USP24: variants seen among roughly 807,000 people sequenced by gnomAD.
USP24 encodes the protein ubiquitin carboxyl-terminal hydrolase 24.
A neutral mutation model predicts 361.6 loss-of-function variants in USP24; 97 were observed. That is an observed-to-expected ratio of 0.27 (90% CI 0.23 to 0.32). The LOEUF (loss-of-function observed/expected upper bound fraction) is 0.32, where lower values mean the gene tolerates loss of function less well. Ranked by LOEUF, USP24 falls within the 10% of genes least tolerant of loss-of-function variation. The pLI is 1.00. For missense variants in USP24, 2,353 were observed against 3,165.6 expected, an observed-to-expected ratio of 0.74 and a Z score of 6.16; for synonymous variants, 1,098 against 1,124.6, an observed-to-expected ratio of 0.98 and a Z score of 0.47.
chr1:55,184,055 A>T lies in USP24; in HGVS notation c.325-5923T>A, dbSNP rs184201030. Among the ~76,000 whole-genome samples the T allele has an allele frequency of 9.9e-4, 151 of 152,226 alleles. 1 individual carries two copies. Among genetic ancestry groups the T allele is most frequent in the Non-Finnish European group, 1.6e-3 (111 of 68,004 alleles). ...ACAAGAAAGGCTGTTCTTTTTCCCC[A>T]CTGTTTTGGGGGTTTTTTTGAGACA... On this transcript the variant is annotated intron_variant, in intron 1 of 67. Transcript: ENST00000294383.
chr1:55,149,165 T>C (rs762474699), intron 16 of USP24, among the ~76,000 whole-genome samples: 14 of 152,198 alleles, frequency 9.2e-5, no homozygotes, highest in Non-Finnish European at 1.8e-4. Context: ...CACTTCCAAA[T>C]ATATTATTTC....
At position 55,092,839 on chromosome 1, in the gene USP24, A is replaced by G. The variant is rs1476942169; in HGVS notation, c.6432T>C (p.Ser2144=). 6.3e-7 allele frequency: 1 copy of G among 1,596,722 alleles called. No individual in the cohort carries two copies. The highest frequency in any genetic ancestry group is 8.5e-7 in the Non-Finnish European group (1 of 1,172,618). Residue 2144 remains serine (S), a synonymous_variant, in exon 53 of 68, where the codon TCT becomes TCC. Transcript: ENST00000294383. Reference sequence around the variant, plus strand: ...TACTTACAGCATTCAATGAAGCTAAAGACAAAACAAAACTGAAATAATCAC... The same window carrying G: ...TACTTACAGCATTCAATGAAGCTAAGGACAAAACAAAACTGAAATAATCAC... ...YSSDYFSFVL[S]LASLNATKLK... is the part of the protein sequence containing the mutation.
chr1:55,129,957 C>T (rs1057492377), intron 31 of USP24, among the ~76,000 whole-genome samples: 3 of 152,068 alleles, frequency 2.0e-5, no homozygotes, highest in African/African-American at 7.2e-5. Flanking sequence ...GATGAGTTTC[C>T]CAACAATAAC....
In USP24 at chr1:55,100,821, A is replaced by G; in HGVS notation, c.5271+18T>C. ...ATATTTAACATCTTTAAATCTCAAGAGTTACTGGGTGAAATACCTTCCAAA... is the reference window on the plus strand; with the variant it reads ...ATATTTAACATCTTTAAATCTCAAGGGTTACTGGGTGAAATACCTTCCAAA... On this transcript the variant is annotated intron_variant, in intron 44 of 67. Transcript: ENST00000294383. 1 of 1,588,826 alleles carries G rather than the reference A, an allele frequency of 6.3e-7. No individual in the cohort carries two copies. Among genetic ancestry groups the G allele is most frequent in the Non-Finnish European group, 8.5e-7 (1 of 1,170,856 alleles).
intron 58 of USP24, among the ~76,000 whole-genome samples, chr1:55,082,418 A>AT (rs1243629929): frequency 6.6e-6 from 1 of 152,236 alleles, no homozygotes; most frequent in Non-Finnish European, 1.5e-5. Context: ...GCATGTTAGC[A>AT]TTTCATGTAT....
At chr1:55,107,980 G>A (rs1348654852) in intron 39 of USP24, among the ~76,000 whole-genome samples, 1 of 152,032 alleles carries the variant, frequency 6.6e-6, no homozygotes, top group Non-Finnish European at 1.5e-5. Flanking sequence ...CCTCTGTGCA[G>A]GTCACTGTGC....
chr1:55,079,540 C>A lies in USP24; in HGVS notation c.7198G>T (p.Glu2400Ter). The A allele has an allele frequency of 6.4e-7, 1 of 1,572,958 alleles. No individual in the cohort carries two copies. Among genetic ancestry groups the A allele is most frequent in the Admixed American group, 2.0e-5 (1 of 49,748 alleles). The change falls in exon 60 of 68, where the codon GAG (glutamate) becomes TAG (stop). Residue 2400 changes from glutamate (E) to a stop codon, truncating the protein, a stop_gained and splice_region_variant. Transcript: ENST00000294383. LOFTEE classifies it high-confidence loss of function. Reference sequence around the variant, plus strand: ...GCTTTAGAATAACAAGTACATACCTCTAACAGGTAAGGTTTCCCTTCAGAC... The same window carrying A: ...GCTTTAGAATAACAAGTACATACCTATAACAGGTAAGGTTTCCCTTCAGAC... ...FMSEGKPYLL[E>*]VMFALRELTG...
chr1:55,081,560 C>A (rs1470934249), intron 58 of USP24, 136 bp from the exon 59 acceptor site: 4 of 804,850 alleles, frequency 5.0e-6, no homozygotes, highest in East Asian at 2.5e-5. Flanking sequence ...GGTCAAGGTA[C>A]AAAAAAATCA....
At position 55,083,324 on chromosome 1, in the gene USP24, G is replaced by A. The variant is rs541294636; in HGVS notation, c.6923C>T (p.Ala2308Val). Residue 2308 changes from alanine to valine, a missense_variant, in exon 58 of 68, where the codon GCT becomes GTT. Physicochemically the swap from Ala to Val is moderately conservative, Grantham distance 64. This residue lies in a region of USP24 where 598 missense variants were observed against 761.9 expected (regional missense o/e 0.78). Coordinates refer to ENST00000294383, the MANE Select transcript of USP24 (RefSeq NM_015306.3). ...RAGDLLLRHS[A>V]LRHMISFLLG... ...GAGGAAGCTGATCATGTGCCGCAGA[G>A]CTGAATGCCTCAGAAGAAGATCTCC... 5 of 1,613,736 alleles carry A rather than the reference G, an allele frequency of 3.1e-6. No individual in the cohort carries two copies. The East Asian group carries it at 8.9e-5, about 29-fold the overall frequency.
intron 32 of USP24, among the ~76,000 whole-genome samples, chr1:55,126,913 A>G (rs533386662): frequency 6.6e-6 from 1 of 152,230 alleles, no homozygotes; most frequent in East Asian, 1.9e-4. Context: ...TCTAGAGAAA[A>G]GCTGCTTCCA....
Position 55,071,829 on chromosome 1 carries a change from G to C in USP24, c.7785C>G (p.Asp2595Glu), listed in dbSNP as rs368646161. The change falls in exon 67 of 68, where the codon GAC becomes GAG. Residue 2595 changes from aspartate (D) to glutamate (E), a missense_variant. Coordinates refer to ENST00000294383, the MANE Select transcript of USP24 (RefSeq NM_015306.3). ...SESSPANENG[D>E]RHLQQGSESP... ...ACCGTTATACCTGCTGTAGATGCCTGTCTCCGTTCTCATTGGCAGGACTAC... is the reference window on the plus strand; with the variant it reads ...ACCGTTATACCTGCTGTAGATGCCTCTCTCCGTTCTCATTGGCAGGACTAC... The C allele has an allele frequency of 1.4e-5, 22 of 1,612,752 alleles. No individual in the cohort carries two copies. The highest frequency in any genetic ancestry group is 1.9e-5 in the Non-Finnish European group (22 of 1,179,502).
At position 55,097,068 on chromosome 1, in the gene USP24, A is replaced by G. The variant is rs1645512212; in HGVS notation, c.5820T>C (p.Gly1940=). 1 of 1,613,930 alleles carries G rather than the reference A, an allele frequency of 6.2e-7. No individual in the cohort carries two copies. The highest frequency in any genetic ancestry group is 8.5e-7 in the Non-Finnish European group (1 of 1,179,868). The change falls in exon 49 of 68, where the codon GGT becomes GGC. Residue 1940 remains glycine, a synonymous_variant. Coordinates refer to ENST00000294383, the MANE Select transcript of USP24 (RefSeq NM_015306.3). Reference sequence around the variant, plus strand: ...CAACCTTTTTTCGTGGGGATCCTCCACCGCCCTGATCCACACTTCGCCCAT... The same window carrying G: ...CAACCTTTTTTCGTGGGGATCCTCCGCCGCCCTGATCCACACTTCGCCCAT... ...GENGRSVDQG[G]GGSPRKKVAL... is the part of the protein sequence containing the mutation.
chr1:55,184,457 G>A (rs1644069253), intron 1 of USP24, among the ~76,000 whole-genome samples: 1 of 152,096 alleles, frequency 6.6e-6, no homozygotes, highest in African/African-American at 2.4e-5. Flanking sequence ...AACACAGAAA[G>A]CAAAAATTAA....
At chr1:55,181,258 C>A (rs1242829708) in intron 1 of USP24, among the ~76,000 whole-genome samples, 1 of 152,072 alleles carries the variant, frequency 6.6e-6, no homozygotes, top group Non-Finnish European at 1.5e-5. Flanking sequence ...TTTCTCCCCC[C>A]ACCCCAACAA....
In USP24 at chr1:55,215,246, C is replaced by T; in HGVS notation, c.-133G>A. 2 of 687,362 alleles carry T rather than the reference C, an allele frequency of 2.9e-6. No homozygotes were observed. The highest frequency in any genetic ancestry group is 4.2e-5 in the East Asian group (1 of 23,532). 42.6% of individuals were successfully genotyped at this position (687,362 alleles called of 1,614,324 possible). ...CCCTGCGTTCCTGCCCCGGGTGCTC[C>T]GCAGCAGCCGGGCCAGGCTGGGTGC... On this transcript the variant is annotated 5_prime_UTR_variant, in exon 1 of 68. Transcript: ENST00000294383.
intron 4 of USP24, among the ~76,000 whole-genome samples, chr1:55,172,089 T>A (rs1160972211): frequency 6.6e-6 from 1 of 152,088 alleles, no homozygotes; most frequent in Non-Finnish European, 1.5e-5. Context: ...TCCATCTACA[T>A]GAACACTCCA....
Position 55,125,481 on chromosome 1 carries a change from C to T in USP24, c.3799G>A (p.Ala1267Thr), listed in dbSNP as rs776925066. 2 of 1,613,886 alleles carry T rather than the reference C, an allele frequency of 1.2e-6. No homozygotes were observed. The highest frequency in any genetic ancestry group is 1.7e-5 in the Admixed American group (1 of 60,002). The change falls in exon 34 of 68, where the codon GCA (alanine) becomes ACA (threonine). Residue 1267 changes from alanine to threonine, a missense_variant. This residue lies in a region of USP24 where 949 missense variants were observed against 1,280.5 expected (regional missense o/e 0.74). Transcript: ENST00000294383. ...DEDLTKDGIE[A>T]LSSRPFRNVS... The stretch of plus-strand genomic sequence containing the variant: ...TTTCGGAATGGGCGGGAAGAAAGTG[C>T]TTCTATACCATCTTTGGTGAGGTCT...
chr1:55,072,463 G>T, intron 65 of USP24, 60 bp from the exon 66 acceptor site: 1 of 1,350,944 alleles, frequency 7.4e-7, no homozygotes, highest in Non-Finnish European at 1.0e-6. Flanking sequence ...TGGGTTCACA[G>T]TTTCTACCAT....
Position 55,125,680 on chromosome 1 carries a change from G to C in USP24, c.3714C>G (p.Ile1238Met), listed in dbSNP as rs1178541412. The C allele has an allele frequency of 6.3e-7, 1 of 1,595,496 alleles. No homozygotes were observed. Among genetic ancestry groups the C allele is most frequent in the Non-Finnish European group, 8.5e-7 (1 of 1,170,080 alleles). Reference protein sequence around the residue: ...DYETRQGVYSICLQLARFLLV... With the variant: ...DYETRQGVYSMCLQLARFLLV... Reference sequence around the variant, plus strand: ...TTACATACCTTGCAAGCTGTAGACAGATGGAATAAACACCCTGCCTTGTTT... The same window carrying C: ...TTACATACCTTGCAAGCTGTAGACACATGGAATAAACACCCTGCCTTGTTT... The change falls in exon 33 of 68, where the codon ATC (isoleucine) becomes ATG (methionine). Residue 1238 changes from isoleucine to methionine, a missense_variant. Physicochemically the swap from Ile to Met is conservative, Grantham distance 10 (BLOSUM62 1). Transcript: ENST00000294383.
Sources: gnomAD v4.1 joint callset for allele counts (sites outside exome capture counted in the v4.1 genomes callset) on GRCh38, gnomAD v4.1.1 for gene constraint, gnomAD v4.1.1 regional missense constraint, MANE v1.5 for transcripts, NCBI Gene and HGNC (gene_info 2026-07-23, HGNC 2026-07-21) for gene names.